The following NAV2 variants were observed in gnomAD, a reference collection of about 807,000 sequenced individuals.
NAV2 encodes neuron navigator 2, also known as helicase, APC down-regulated 1.
A neutral mutation model predicts 223.2 loss-of-function variants in NAV2; 54 were observed. That is an observed-to-expected ratio of 0.24 (90% CI 0.19 to 0.30). The LOEUF (loss-of-function observed/expected upper bound fraction) is 0.30, where lower values mean the gene tolerates loss of function less well. Among genes scored for constraint, NAV2 ranks in the 10% least tolerant of loss-of-function variants. The pLI is 1.00. For synonymous variants in NAV2, 1,279 were observed against 1,239.3 expected, an observed-to-expected ratio of 1.03 and a Z score of -0.67; for missense variants, 2,806 against 3,147.5, an observed-to-expected ratio of 0.89 and a Z score of 2.60.
intron 10 of NAV2, among the ~76,000 whole-genome samples, chr11:19,967,256 T>C (rs527289207): frequency 1.7e-4 from 26 of 152,094 alleles, no homozygotes; most frequent in Admixed American, 3.3e-4. Context: ...TTTCCTACCT[T>C]TCCTTAGAGC....
At chr11:19,701,989 T>G (rs756625784) in intron 1 of NAV2, among the ~76,000 whole-genome samples, 3 of 152,192 alleles carry the variant, frequency 2.0e-5, no homozygotes, top group Middle Eastern at 3.2e-3. Context: ...TTAACTAGAA[T>G]TCCCTTTTAC....
chr11:19,416,035 A>T (rs889161673), intron 1 of NAV2, among the ~76,000 whole-genome samples: 1 of 152,226 alleles, frequency 6.6e-6, no homozygotes, highest in African/African-American at 2.4e-5. Context: ...AAACCCACAC[A>T]AGACAAGTAT....
At chr11:19,798,624 C>G (rs1305496328) in intron 1 of NAV2, among the ~76,000 whole-genome samples, 1 of 152,076 alleles carries the variant, frequency 6.6e-6, no homozygotes, top group Non-Finnish European at 1.5e-5. Context: ...ACTTTGGAAG[C>G]CTGAGTTGGG....
chr11:19,882,497 C>T (rs2063275356), intron 5 of NAV2, among the ~76,000 whole-genome samples: 1 of 152,172 alleles, frequency 6.6e-6, no homozygotes, highest in South Asian at 2.1e-4. Context: ...AACTTGGCCA[C>T]GTCACTCTTC....
chr11:19,669,595 C>T (rs1174033536), intron 1 of NAV2, among the ~76,000 whole-genome samples: 2 of 152,204 alleles, frequency 1.3e-5, no homozygotes, highest in South Asian at 4.1e-4. Flanking sequence ...CATTGGGTAC[C>T]ATGGAGCTCA....
intron 1 of NAV2, among the ~76,000 whole-genome samples, chr11:19,352,012 A>G (rs971859340): frequency 1.4e-5 from 2 of 145,496 alleles, no homozygotes; most frequent in Non-Finnish European, 3.0e-5. Flanking sequence ...TGTGTATGAA[A>G]AAGGATTTTG....
At chr11:19,882,803 G>A (rs1265534039) in intron 5 of NAV2, among the ~76,000 whole-genome samples, 2 of 152,190 alleles carry the variant, frequency 1.3e-5, no homozygotes, top group African/African-American at 4.8e-5. Context: ...CTACAGTGGT[G>A]ACATAGACCG....
rs550768978 is a variant in NAV2, at chr11:19,769,821, C to T, written c.267+55859C>T. Among the ~76,000 whole-genome samples the T allele has an allele frequency of 6.6e-5, 10 of 152,244 alleles. No individual in the cohort carries two copies. The East Asian group carries it at 1.9e-3, about 29-fold the overall frequency. On this transcript the variant is annotated intron_variant, in intron 1 of 37. Coordinates refer to ENST00000349880, the MANE Select transcript of NAV2 (RefSeq NM_145117.5). Reference sequence around the variant, plus strand: ...GTTCAATCGGGTAACTTTTAGCAACCACATTCCCTACAGCAAAAGGGTTAT... The same window carrying T: ...GTTCAATCGGGTAACTTTTAGCAACTACATTCCCTACAGCAAAAGGGTTAT...
chr11:19,397,012 G>A (rs369247353), intron 1 of NAV2, among the ~76,000 whole-genome samples: 1 of 152,254 alleles, frequency 6.6e-6, no homozygotes, highest in South Asian at 2.1e-4. Flanking sequence ...TCTCTCCCTT[G>A]CAGTTCCCTG....
intron 2 of NAV2, 58 bp from the exon 3 acceptor site, chr11:19,842,813 C>T: frequency 1.9e-6 from 3 of 1,557,564 alleles, no homozygotes; most frequent in Non-Finnish European, 1.8e-6. Context: ...TCCTGAACAT[C>T]ACTACTGAAA....
chr11:19,689,592 T>A (rs1470278574), intron 1 of NAV2, among the ~76,000 whole-genome samples: 4 of 152,258 alleles, frequency 2.6e-5, no homozygotes, highest in Non-Finnish European at 5.9e-5. Flanking sequence ...TTGCTGTGAT[T>A]ACTTTATAAG....
At chr11:19,603,608 G>A (rs928263607) in intron 1 of NAV2, among the ~76,000 whole-genome samples, 1 of 145,500 alleles carries the variant, frequency 6.9e-6, no homozygotes, top group Non-Finnish European at 1.5e-5. Flanking sequence ...CTCCAGCCTG[G>A]GCAACAGAGC....
At chr11:19,776,577 GGTGTGTGTGT>G (rs71050684) in intron 1 of NAV2, among the ~76,000 whole-genome samples, 10 of 116,122 alleles carry the variant, frequency 8.6e-5, no homozygotes, top group Non-Finnish European at 1.6e-4. Flanking sequence ...CTGGGGCAGG[GGTGTGTGTGT>G]GTGTGTGTGT....
intron 10 of NAV2, among the ~76,000 whole-genome samples, chr11:19,959,377 A>G (rs571543645): frequency 1.1e-4 from 17 of 152,276 alleles, no homozygotes; most frequent in Admixed American, 5.2e-4. Context: ...GAATGTTAAC[A>G]TGAAGAGGCA....
chr11:20,000,826 A>G (rs2052471895), intron 11 of NAV2, among the ~76,000 whole-genome samples: 1 of 152,020 alleles, frequency 6.6e-6, no homozygotes, highest in Non-Finnish European at 1.5e-5. Flanking sequence ...TCCCTCATCC[A>G]CTGCTCTGTA....
At chr11:19,949,183 G>A in intron 10 of NAV2, 103 bp downstream of exon 10, 2 of 1,271,242 alleles carry the variant, frequency 1.6e-6, no homozygotes, top group Non-Finnish European at 1.1e-6. Context: ...AGGTCAAACT[G>A]CCCACCTGAG....
intron 1 of NAV2, among the ~76,000 whole-genome samples, chr11:19,456,623 C>A (rs1016296175): frequency 1.3e-5 from 2 of 152,212 alleles, no homozygotes; most frequent in African/African-American, 2.4e-5. Flanking sequence ...CTACTGACCC[C>A]AGCATCATCA....
intron 8 of NAV2, among the ~76,000 whole-genome samples, chr11:19,942,795 G>A (rs1028818227): frequency 3.3e-5 from 5 of 152,146 alleles, no homozygotes; most frequent in African/African-American, 4.8e-5. Context: ...ACTAGCCTGG[G>A]CAACACATAG....
intron 1 of NAV2, among the ~76,000 whole-genome samples, chr11:19,738,507 G>A (rs753143611): frequency 3.9e-5 from 6 of 152,206 alleles, no homozygotes; most frequent in Non-Finnish European, 7.3e-5. Context: ...TTTTCCTAAT[G>A]GGGAACTGTG....
Sources: gnomAD v4.1 joint callset for allele counts (sites outside exome capture counted in the v4.1 genomes callset) on GRCh38, gnomAD v4.1.1 for gene constraint, MANE v1.5 for transcripts, NCBI Gene and HGNC (gene_info 2026-07-23, HGNC 2026-07-21) for gene names.